LRP2: variants seen among roughly 807,000 people sequenced by gnomAD.
The protein encoded by LRP2 is low-density lipoprotein receptor-related protein 2.
Under a neutral mutation model 531.0 loss-of-function variants are expected in LRP2, and 172 were observed. That is an observed-to-expected ratio of 0.32 (90% CI 0.29 to 0.37). LRP2 has a LOEUF of 0.37. Ranked by LOEUF, LRP2 falls within the 10% of genes least tolerant of loss-of-function variation. LRP2 has a pLI of 1.00. For synonymous variants in LRP2, 1,992 were observed against 2,027.6 expected, an observed-to-expected ratio of 0.98 and a Z score of 0.47; for missense variants, 5,167 against 5,868.3, an observed-to-expected ratio of 0.88 and a Z score of 3.90.
Position 169,201,794 on chromosome 2 carries a change from G to A in LRP2, c.8286C>T (p.Tyr2762=). 1 of 1,614,182 alleles carries A rather than the reference G, an allele frequency of 6.2e-7. No homozygotes were observed. The change falls in exon 44 of 79, where the codon TAC becomes TAT. Residue 2762 remains tyrosine (Y), a synonymous_variant. Coordinates refer to ENST00000649046, the MANE Select transcript of LRP2 (RefSeq NM_004525.3). ...CACTGCCATCACCACAGTCATTGTAGTAATCACAGCGGTAAGAGTATTGGA... is the reference window on the plus strand; with the variant it reads ...CACTGCCATCACCACAGTCATTGTAATAATCACAGCGGTAAGAGTATTGGA... ...RCVQYSYRCD[Y]YNDCGDGSDE...
intron 4 of LRP2, 152 bp from the exon 5 acceptor site, chr2:169,294,862 T>A: frequency 1.6e-6 from 1 of 632,812 alleles, no homozygotes; most frequent in Middle Eastern, 4.3e-4. Context: ...CCTGGCTTCA[T>A]GGAGAGTAAG....
intron 72 of LRP2, 150 bp from the exon 73 acceptor site, chr2:169,139,760 G>C (rs917398823): frequency 9.4e-6 from 7 of 741,328 alleles, no homozygotes; most frequent in Non-Finnish European, 1.5e-5. Flanking sequence ...TGTTCATTCT[G>C]CCAAGAGAAG....
intron 62 of LRP2, among the ~76,000 whole-genome samples, chr2:169,164,271 C>T (rs11902300): frequency 0.01 from 1,575 of 152,266 alleles, 23 homozygotes; most frequent in African/African-American, 0.035. Flanking sequence ...TATGGGTCTC[C>T]CAACCAAGAG....
rs2105379162 is a variant in LRP2, at chr2:169,238,321, CA to C, written c.4295-20del. On this transcript the variant is annotated intron_variant, in intron 26 of 78. Transcript: ENST00000649046. ...TCAGATGCTGTTCAAGAAAAAAATGCAAAAATGTCAATGATACTGGGAGAAA... is the reference window on the plus strand; with the variant it reads ...TCAGATGCTGTTCAAGAAAAAAATGCAAAATGTCAATGATACTGGGAGAAA... The C allele has an allele frequency of 2.6e-6, 4 of 1,532,330 alleles. No individual in the cohort carries two copies. The highest frequency in any genetic ancestry group is 4.5e-5 in the East Asian group (2 of 44,480). The allele number at this position is 1,532,330 out of a possible 1,614,324, so 94.9% of individuals were successfully genotyped here. A position where few individuals can be genotyped will look rare whatever the true frequency, so the allele number is the denominator to read the frequency against.
At position 169,201,488 on chromosome 2, in the gene LRP2, C is replaced by T. The variant is rs73971316; in HGVS notation, c.8452+140G>A. On this transcript the variant is annotated intron_variant, in intron 44 of 78. Coordinates refer to ENST00000649046, the MANE Select transcript of LRP2 (RefSeq NM_004525.3). ...TGGTATTTGTTGATACTTGCTACCG[C>T]GCCTAGCCAAAAATTTACGTTTTAG... is the stretch of plus-strand genomic sequence containing the variant. The T allele has an allele frequency of 3.7e-5, 39 of 1,061,264 alleles. No individual in the cohort carries two copies. The East Asian group carries it at 5.2e-4, about 14-fold the overall frequency. 65.7% of individuals were successfully genotyped at this position (1,061,264 alleles called of 1,614,324 possible). A position where few individuals can be genotyped will look rare whatever the true frequency, so the allele number is the denominator to read the frequency against.
In LRP2 at chr2:169,238,168, T is replaced by G. The variant is rs763684097; in HGVS notation, c.4429A>C (p.Ser1477Arg). ...YIVAVDFDSISGRIFWSDATQ... is the reference protein window; with the variant it reads ...YIVAVDFDSIRGRIFWSDATQ... ...GCATCAGACCAAAAGATACGACCAC[T>G]AATTGAATCAAAATCAACAGCTACA... is the stretch of plus-strand genomic sequence containing the variant. Residue 1477 changes from serine (S) to arginine (R), a missense_variant, in exon 27 of 79, where the codon AGT becomes CGT. Transcript: ENST00000649046. The G allele has an allele frequency of 6.2e-7, 1 of 1,614,154 alleles. No individual in the cohort carries two copies. Among genetic ancestry groups the G allele is most frequent in the Non-Finnish European group, 8.5e-7 (1 of 1,179,996 alleles).
rs186137585 is a variant in LRP2, at chr2:169,275,184, T to C, written c.1827A>G (p.Leu609=). 11 of 1,613,806 alleles carry C rather than the reference T, an allele frequency of 6.8e-6. No individual in the cohort carries two copies. In the Admixed American group the frequency reaches 1.8e-4, roughly 27 times the overall value. The change falls in exon 14 of 79, where the codon TTA becomes TTG. Residue 609 remains leucine (L), a synonymous_variant. Coordinates refer to ENST00000649046, the MANE Select transcript of LRP2 (RefSeq NM_004525.3). ...CTGTAAAGAACACCTGACCTTCAAA[T>C]AAGCTTACTCCAAAGGGATGAGGAA... ...SLIPHPFGVS[L]FEGQVFFTDW... is the part of the protein sequence containing the mutation.
At position 169,213,550 on chromosome 2, in the gene LRP2, G is replaced by A. The variant is rs558772541; in HGVS notation, c.6040+107C>T. ...TATTTCAGGTAACTTCAATTTGTAT[G>A]CACGTGTATGTACGTGAAACTGTGT... On this transcript the variant is annotated intron_variant, in intron 36 of 78. Transcript: ENST00000649046. 6.0e-5 allele frequency: 55 copies of A among 910,402 alleles called. No homozygotes were observed. The East Asian group carries it at 1.3e-3, about 22-fold the overall frequency. 56.4% of individuals were successfully genotyped at this position (910,402 alleles called of 1,614,324 possible). A position where few individuals can be genotyped will look rare whatever the true frequency, so the allele number is the denominator to read the frequency against.
chr2:169,229,071 G>A (rs1689306128), intron 31 of LRP2, among the ~76,000 whole-genome samples: 2 of 152,176 alleles, frequency 1.3e-5, no homozygotes, highest in South Asian at 2.1e-4. Context: ...ACCAGGTAGA[G>A]GCTTTATCCT....
intron 12 of LRP2, 59 bp downstream of exon 12, chr2:169,279,313 A>G: frequency 8.1e-7 from 1 of 1,235,374 alleles, no homozygotes; most frequent in Non-Finnish European, 1.2e-6. Context: ...TGTTCAGTGT[A>G]TAGAGGGAGA....
intron 54 of LRP2, among the ~76,000 whole-genome samples, chr2:169,175,964 C>T (rs1481191130): frequency 1.3e-5 from 2 of 152,144 alleles, no homozygotes; most frequent in African/African-American, 4.8e-5. Flanking sequence ...TAATCTGTGG[C>T]CATGTTTCAT....
At chr2:169,232,755 G>T (rs754987161) in intron 30 of LRP2, among the ~76,000 whole-genome samples, 2 of 152,216 alleles carry the variant, frequency 1.3e-5, no homozygotes, top group Non-Finnish European at 2.9e-5. Flanking sequence ...TGAGAGGCAG[G>T]AGTCGCCTGC....
At chr2:169,245,079 C>T in intron 21 of LRP2, 147 bp from the exon 22 acceptor site, 4 of 891,812 alleles carry the variant, frequency 4.5e-6, no homozygotes, top group Non-Finnish European at 7.1e-6. Context: ...GTCATCATCA[C>T]TAACATCATT....
At chr2:169,305,276 G>A (rs1474469423) in intron 4 of LRP2, among the ~76,000 whole-genome samples, 2 of 152,136 alleles carry the variant, frequency 1.3e-5, no homozygotes, top group East Asian at 1.9e-4. Context: ...TGGAAGCATA[G>A]GTCTTGCTTT....
chr2:169,328,452 A>AG lies in LRP2; in HGVS notation c.80-7569_80-7568insC, dbSNP rs1553515048. 6.1e-3 allele frequency among the ~76,000 whole-genome samples: 533 copies of AG among 87,084 alleles called. 5 individuals carry two copies. Among genetic ancestry groups the AG allele is most frequent in the South Asian group, 0.044 (157 of 3,570 alleles). 57.1% of individuals were successfully genotyped at this position (87,084 alleles called of 152,430 possible). Reference sequence around the variant, plus strand: ...AGAACGGGCCGGGATAAAAAAAAAAAAAAAAAAAAAAAGAAAAAAAAAGAA... The same window carrying AG: ...AGAACGGGCCGGGATAAAAAAAAAAAGAAAAAAAAAAAAGAAAAAAAAAGAA... On this transcript the variant is annotated intron_variant, in intron 1 of 78. Coordinates refer to ENST00000649046, the MANE Select transcript of LRP2 (RefSeq NM_004525.3).
intron 37 of LRP2, among the ~76,000 whole-genome samples, chr2:169,211,538 C>A (rs1230482179): frequency 1.3e-5 from 2 of 152,268 alleles, no homozygotes; most frequent in East Asian, 3.9e-4. Flanking sequence ...ATACCTTCTA[C>A]CATAAATCTC....
intron 1 of LRP2, among the ~76,000 whole-genome samples, chr2:169,332,434 G>A (rs1685292139): frequency 6.6e-6 from 1 of 152,192 alleles, no homozygotes; most frequent in South Asian, 2.1e-4. Context: ...AAAGAGGGCA[G>A]AAAGGAGAGA....
At chr2:169,278,297 C>G (rs1274280280) in intron 12 of LRP2, among the ~76,000 whole-genome samples, 1 of 152,016 alleles carries the variant, frequency 6.6e-6, no homozygotes, top group East Asian at 1.9e-4. Context: ...CCAGCCTGGG[C>G]AACATGGCAA....
rs1281534345 is a variant in LRP2 at position 169,138,713 on chromosome 2, A to G, written c.13389-7T>C. 6.2e-7 allele frequency: 1 copy of G among 1,613,814 alleles called. No homozygotes were observed. Among genetic ancestry groups the G allele is most frequent in the Non-Finnish European group, 8.5e-7 (1 of 1,179,824 alleles). ...CTTGACGAGACTGCTTAAGCTGGAA[A>G]GAAGTAACCAAAACAGTGTCTTGTT... On this transcript the variant is annotated splice_polypyrimidine_tract_variant and splice_region_variant and intron_variant, in intron 74 of 78. Coordinates refer to ENST00000649046, the MANE Select transcript of LRP2 (RefSeq NM_004525.3).
Sources: allele counts gnomAD v4.1 joint callset (sites outside exome capture counted in the v4.1 genomes callset), GRCh38; gene constraint gnomAD v4.1.1; transcripts MANE v1.5; gene names NCBI Gene and HGNC (gene_info 2026-07-23, HGNC 2026-07-21).